ELN: variants seen among roughly 807,000 people sequenced by gnomAD.
ELN encodes elastin.
In ELN, 65 loss-of-function variants were observed where a neutral mutation model predicts 105.8. The ratio of observed to expected loss-of-function variants is 0.61; its 90% CI spans 0.50 to 0.75. The LOEUF (loss-of-function observed/expected upper bound fraction) is 0.75. Ranked by LOEUF, ELN falls within the 30% of genes least tolerant of loss-of-function variation. The pLI is 0.00. For missense variants in ELN, 882 were observed against 969.4 expected (o/e 0.91, Z 1.20); for synonymous variants, 368 against 389.2 (o/e 0.95, Z 0.64).
At chr7:74,032,671 G>A (rs374693200) in intron 1 of ELN, among the ~76,000 whole-genome samples, 5 of 152,266 alleles carry the variant, frequency 3.3e-5, no homozygotes, top group African/African-American at 1.2e-4. Flanking sequence ...GGTGGAGAGT[G>A]GGGACAGAGG....
intron 15 of ELN, among the ~76,000 whole-genome samples, chr7:74,051,519 T>TCC (rs2131837634): frequency 6.6e-6 from 1 of 152,262 alleles, no homozygotes; most frequent in Non-Finnish European, 1.5e-5. Flanking sequence ...ATGGGATTTG[T>TCC]CTGAAAACAT....
chr7:74,047,863 G>C, intron 13 of ELN, 147 bp downstream of exon 13: 2 of 1,239,586 alleles, frequency 1.6e-6, no homozygotes, highest in Non-Finnish European at 2.3e-6. Context: ...AGAAGGAAAG[G>C]GCATGGAATT....
In ELN at chr7:74,046,881, C is replaced by G; in HGVS notation, c.643+114C>G. The G allele has an allele frequency of 3.3e-6, 4 of 1,203,300 alleles. No homozygotes were observed. In the Admixed American group the frequency reaches 5.9e-5, roughly 18 times the overall value. 74.5% of individuals were successfully genotyped at this position (1,203,300 alleles called of 1,614,324 possible). ...GGCAGATCACTTGAGGTCAGGAGTT[C>G]AAGACTAGCCTGGCCAACATGGCAA... On this transcript the variant is annotated intron_variant, in intron 12 of 32. Coordinates refer to ENST00000252034, the MANE Select transcript of ELN (RefSeq NM_000501.4).
chr7:74,043,175 G>A lies in ELN; in HGVS notation c.427+7G>A, dbSNP rs1554669912. The A allele has an allele frequency of 6.3e-7, 1 of 1,588,098 alleles. No homozygotes were observed. The highest frequency in any genetic ancestry group is 1.8e-5 in the Admixed American group (1 of 54,872). ...AAGCCTGGGAAAGTGCCGGGTCAGT[G>A]CGGAATCCCTGGGGCTGGAGGACAG... On this transcript the variant is annotated splice_region_variant and intron_variant, in intron 8 of 32. Coordinates refer to ENST00000252034, the MANE Select transcript of ELN (RefSeq NM_000501.4).
At chr7:74,038,081 T>C (rs1554666719) in intron 4 of ELN, 1 of 376,978 alleles carries the variant, frequency 2.7e-6, no homozygotes, top group African/African-American at 2.1e-5. Context: ...ATTGCTCCGG[T>C]TCCAGTGGCC....
chr7:74,062,664 C>T (rs1425888949), intron 26 of ELN, among the ~76,000 whole-genome samples: 1 of 152,144 alleles, frequency 6.6e-6, no homozygotes, highest in East Asian at 1.9e-4. Context: ...GATTCTCCTG[C>T]CTCAGCCTTC....
intron 15 of ELN, among the ~76,000 whole-genome samples, chr7:74,049,405 C>CCCATCCATCCATCCCCTCAT (rs1554674597): frequency 7.5e-6 from 1 of 133,520 alleles, no homozygotes; most frequent in African/African-American, 2.8e-5. Flanking sequence ...CATCTATGCA[C>CCCATCCATCCATCCCCTCAT]CCATCCATCC....
chr7:74,040,651 T>C (rs1458858743), intron 4 of ELN, among the ~76,000 whole-genome samples: 2 of 151,980 alleles, frequency 1.3e-5, no homozygotes, highest in Non-Finnish European at 2.9e-5. Context: ...CAGTGGAATG[T>C]CTCCCGCAGT....
chr7:74,066,645 T>C, intron 31 of ELN, 87 bp from the exon 32 acceptor site: 2 of 1,307,022 alleles, frequency 1.5e-6, no homozygotes, highest in Non-Finnish European at 2.2e-6. Flanking sequence ...GACAGAGGTC[T>C]TGGGTGAGCC....
chr7:74,068,657 G>A lies in ELN; in HGVS notation c.2132G>A (p.Gly711Asp), dbSNP rs41511151. 6,861 of 1,614,152 alleles carry A rather than the reference G, an allele frequency of 4.3e-3. 17 individuals carry two copies. The highest frequency in any genetic ancestry group is 5.3e-3 in the Admixed American group (318 of 60,010). Residue 711 changes from glycine to aspartate, a missense_variant and splice_region_variant, in exon 33 of 33, where the codon GGT becomes GAT. Transcript: ENST00000252034. ...PGFGLSPIFP[G>D]GACLGKACGR... is the part of the protein sequence containing the mutation. ...GTGATGTGCACCTCCTCCCGTCCAG[G>A]TGGGGCCTGCCTGGGGAAAGCTTGT...
At chr7:74,064,579 G>A (rs1431217460) in intron 29 of ELN, among the ~76,000 whole-genome samples, 1 of 152,054 alleles carries the variant, frequency 6.6e-6, no homozygotes, top group East Asian at 1.9e-4. Context: ...TCACGCCGCT[G>A]CACTCCAGCC....
intron 10 of ELN, 120 bp from the exon 11 acceptor site, chr7:74,046,068 C>T (rs1021253593): frequency 7.0e-5 from 95 of 1,355,972 alleles, no homozygotes; most frequent in African/African-American, 3.2e-4. Flanking sequence ...CATGTGAGCG[C>T]AGCATGCGAT....
At chr7:74,051,687 C>A in intron 15 of ELN, 63 bp from the exon 16 acceptor site, 1 of 1,586,856 alleles carries the variant, frequency 6.3e-7, no homozygotes, top group Non-Finnish European at 8.6e-7. Flanking sequence ...GTCTAAGTGG[C>A]CATCCTGCCT....
chr7:74,045,340 C>T (rs781888320), intron 10 of ELN, 47 bp downstream of exon 10: 2 of 1,606,392 alleles, frequency 1.2e-6, no homozygotes, highest in South Asian at 2.2e-5. Flanking sequence ...ACTCTCCAAC[C>T]ACCTTCTGGC....
intron 4 of ELN, among the ~76,000 whole-genome samples, chr7:74,039,870 G>C (rs1790775305): frequency 6.6e-6 from 1 of 152,238 alleles, no homozygotes; most frequent in Non-Finnish European, 1.5e-5. Flanking sequence ...TGTGCTCATG[G>C]AGGCTGGGTA....
chr7:74,041,940 A>C (rs1791303748), intron 5 of ELN, among the ~76,000 whole-genome samples: 1 of 151,834 alleles, frequency 6.6e-6, no homozygotes, highest in Non-Finnish European at 1.5e-5. Context: ...GGGTTTCACC[A>C]TGTTGGCCAG....
intron 4 of ELN, among the ~76,000 whole-genome samples, chr7:74,039,799 A>G (rs1790761336): frequency 6.6e-6 from 1 of 152,268 alleles, no homozygotes. Context: ...GGCAGGTGAT[A>G]TAATGGCCAT....
rs1335825960 is a variant in ELN, at chr7:74,069,749, G to T, written c.*1049G>T. 1 of 227,376 alleles carries T rather than the reference G, an allele frequency of 4.4e-6. No individual in the cohort carries two copies. The highest frequency in any genetic ancestry group is 8.7e-6 in the Non-Finnish European group (1 of 114,630). 14.1% of individuals were successfully genotyped at this position (227,376 alleles called of 1,614,324 possible). On this transcript the variant is annotated 3_prime_UTR_variant, in exon 33 of 33. Coordinates refer to ENST00000252034, the MANE Select transcript of ELN (RefSeq NM_000501.4). ...TTGTTGTGGTTCATTGAAAAAAAAA[G>T]ATAATTTTTTTTTCTGATCCGGGGA...
At chr7:74,033,855 G>C (rs1554663948) in intron 1 of ELN, among the ~76,000 whole-genome samples, 1 of 152,232 alleles carries the variant, frequency 6.6e-6, no homozygotes, top group East Asian at 1.9e-4. Flanking sequence ...GGAGGGCTGG[G>C]CTGGGGCGTT....
Sources: gnomAD v4.1 joint callset for allele counts (sites outside exome capture counted in the v4.1 genomes callset) on GRCh38, gnomAD v4.1.1 for gene constraint, MANE v1.5 for transcripts, NCBI Gene and HGNC (gene_info 2026-07-23, HGNC 2026-07-21) for gene names.